HNF1B: variants seen among roughly 807,000 people sequenced by gnomAD.
HNF1B encodes hepatocyte nuclear factor 1-beta.
In HNF1B, 8 loss-of-function variants were observed where a neutral mutation model predicts 61.7. That is an observed-to-expected ratio of 0.13 (90% CI 0.08 to 0.23). The LOEUF is 0.23. Among genes scored for constraint, HNF1B ranks in the 10% least tolerant of loss-of-function variants. HNF1B has a pLI of 1.00. For synonymous variants in HNF1B, 314 were observed against 287.7 expected, an observed-to-expected ratio of 1.09 and a Z score of -0.93; for missense variants, 562 against 714.5, an observed-to-expected ratio of 0.79 and a Z score of 2.43.
intron 4 of HNF1B, 27 bp downstream of exon 4, chr17:37,731,568 A>T (rs776799692): frequency 1.2e-5 from 19 of 1,572,132 alleles, no homozygotes; most frequent in Non-Finnish European, 1.6e-5. Context: ...TGGGTTGCCG[A>T]GGCAGTGAGG....
intron 8 of HNF1B, among the ~76,000 whole-genome samples, chr17:37,696,637 C>A (rs141852187): frequency 3.9e-5 from 6 of 152,208 alleles, no homozygotes; most frequent in African/African-American, 1.4e-4. Flanking sequence ...GCCTTTGAAC[C>A]TCTTTTACCC....
At chr17:37,708,524 C>G (rs909303669) in intron 5 of HNF1B, among the ~76,000 whole-genome samples, 8 of 152,142 alleles carry the variant, frequency 5.3e-5, no homozygotes, top group Non-Finnish European at 1.2e-4. Context: ...CAGTAGGAAA[C>G]CCCAAGGACC....
intron 3 of HNF1B, 46 bp downstream of exon 3, chr17:37,733,511 T>C: frequency 6.2e-7 from 1 of 1,612,098 alleles, no homozygotes; most frequent in South Asian, 1.1e-5. Context: ...GGTTCCTGGG[T>C]CTGTGTACTT....
At chr17:37,691,073 T>C (rs941444621) in intron 8 of HNF1B, among the ~76,000 whole-genome samples, 1 of 152,036 alleles carries the variant, frequency 6.6e-6, no homozygotes, top group Non-Finnish European at 1.5e-5. Flanking sequence ...GAACCAGGAA[T>C]GGTAGTATCC....
chr17:37,742,208 C>A (rs1485356572), intron 1 of HNF1B, among the ~76,000 whole-genome samples: 8 of 152,234 alleles, frequency 5.3e-5, no homozygotes, highest in Non-Finnish European at 1.2e-4. Context: ...CAGTCCGCAG[C>A]GCGTTCGTTA....
chr17:37,737,126 A>AT (rs1442321238), intron 2 of HNF1B, among the ~76,000 whole-genome samples: 1 of 152,038 alleles, frequency 6.6e-6, no homozygotes, highest in Non-Finnish European at 1.5e-5. Context: ...ATCATGTATC[A>AT]TTTTTTATTC....
At chr17:37,693,453 G>T (rs945405585) in intron 8 of HNF1B, among the ~76,000 whole-genome samples, 20 of 152,184 alleles carry the variant, frequency 1.3e-4, no homozygotes, top group African/African-American at 4.1e-4. Flanking sequence ...AAGTAGCTCA[G>T]GTCTGCTGGC....
chr17:37,698,284 G>C (rs1456321804), intron 8 of HNF1B, among the ~76,000 whole-genome samples: 1 of 151,870 alleles, frequency 6.6e-6, no homozygotes, highest in Admixed American at 6.6e-5. Context: ...TGTTACTCTG[G>C]AATCATCACC....
chr17:37,743,251 C>A (rs1218303868), intron 1 of HNF1B, among the ~76,000 whole-genome samples: 1 of 152,166 alleles, frequency 6.6e-6, no homozygotes, highest in Admixed American at 6.5e-5. Flanking sequence ...GCAGCCCTGG[C>A]GCCCCAGCCG....
intron 4 of HNF1B, among the ~76,000 whole-genome samples, chr17:37,722,401 A>G (rs142195220): frequency 6.6e-6 from 1 of 152,316 alleles, no homozygotes; most frequent in Non-Finnish European, 1.5e-5. Context: ...GGGACAGAGA[A>G]GCTAATAACT....
At chr17:37,739,969 T>A (rs549701306) in intron 1 of HNF1B, among the ~76,000 whole-genome samples, 57 of 150,294 alleles carry the variant, frequency 3.8e-4, no homozygotes, top group African/African-American at 1.3e-3. Context: ...TTAATTTATT[T>A]ATTATTATTT....
Position 37,733,547 on chromosome 17 carries a change from G to A in HNF1B, c.809+10C>T, listed in dbSNP as rs749971261. On this transcript the variant is annotated intron_variant, in intron 3 of 8. Transcript: ENST00000617811. The stretch of plus-strand genomic sequence containing the variant: ...GCCCACCTGCCCAGGTGAGCTTCTG[G>A]TGGTGTTACCTGTTGCATTCCTCCA... The A allele has an allele frequency of 1.2e-6, 2 of 1,614,150 alleles. No individual in the cohort carries two copies. Among genetic ancestry groups the A allele is most frequent in the Non-Finnish European group, 8.5e-7 (1 of 1,180,030 alleles).
At chr17:37,722,865 C>G (rs537990083) in intron 4 of HNF1B, among the ~76,000 whole-genome samples, 8 of 152,058 alleles carry the variant, frequency 5.3e-5, no homozygotes, top group African/African-American at 1.9e-4. Context: ...CTTTGCTCAC[C>G]GTGGGGCTGT....
rs914905499 is a variant in HNF1B at position 37,739,634 on chromosome 17, T to A, written c.350A>T (p.Asp117Val). 1.2e-6 allele frequency: 2 copies of A among 1,610,086 alleles called. No individual in the cohort carries two copies. The highest frequency in any genetic ancestry group is 1.7e-6 in the Non-Finnish European group (2 of 1,178,190). The change falls in exon 2 of 9, where the codon GAC (aspartate) becomes GTC (valine). Residue 117 changes from aspartate to valine, a missense_variant. By Grantham distance (152) the Asp-to-Val change is radical. Transcript: ENST00000617811. ...GATCATTTTAGCAGCCCTCCAAGGG[T>A]CCTCACTAGACAGACAAGCAGATGG... The part of the protein sequence containing the change: ...RAEVDRMLSE[D>V]PWRAAKMIKG...
intron 4 of HNF1B, 99 bp from the exon 5 acceptor site, chr17:37,710,762 A>G: frequency 7.9e-7 from 1 of 1,262,432 alleles, no homozygotes; most frequent in Non-Finnish European, 1.1e-6. Context: ...TAATAAGAAA[A>G]TAAAGTTGCT....
intron 4 of HNF1B, among the ~76,000 whole-genome samples, chr17:37,712,028 C>T (rs1463206935): frequency 6.6e-6 from 1 of 152,176 alleles, no homozygotes; most frequent in Admixed American, 6.5e-5. Flanking sequence ...AGCCAGTTTT[C>T]CTTGGATCTT....
chr17:37,707,718 A>G (rs2032797123), intron 5 of HNF1B, among the ~76,000 whole-genome samples: 1 of 151,866 alleles, frequency 6.6e-6, no homozygotes, highest in Non-Finnish European at 1.5e-5. Flanking sequence ...ATTAGGACAT[A>G]CTGCTTGATA....
intron 6 of HNF1B, among the ~76,000 whole-genome samples, chr17:37,704,129 T>C (rs1413319015): frequency 6.6e-6 from 1 of 152,234 alleles, no homozygotes; most frequent in East Asian, 1.9e-4. Flanking sequence ...GCTGGAAATA[T>C]GCTGAATACT....
intron 3 of HNF1B, among the ~76,000 whole-genome samples, chr17:37,733,018 G>A (rs1042753424): frequency 3.3e-5 from 5 of 152,040 alleles, no homozygotes; most frequent in Admixed American, 1.3e-4. Context: ...TTGAGTCAGC[G>A]GGGGCAGAGT....
Sources: allele counts gnomAD v4.1 joint callset (sites outside exome capture counted in the v4.1 genomes callset), GRCh38; gene constraint gnomAD v4.1.1; transcripts MANE v1.5; gene names NCBI Gene and HGNC (gene_info 2026-07-23, HGNC 2026-07-21).